NEK9: variants seen among roughly 807,000 people sequenced by gnomAD.
NEK9 encodes serine/threonine-protein kinase Nek9.
NEK9 carries 75 observed loss-of-function variants against 123.4 expected under a neutral mutation model. The ratio of observed to expected loss-of-function variants is 0.61; its 90% CI spans 0.50 to 0.74. The LOEUF is 0.74. NEK9 is among the 30% of genes least tolerant of loss of function. The pLI, the probability that NEK9 is intolerant of heterozygous loss-of-function variation, is 0.00. For synonymous variants in NEK9, 438 were observed against 458.7 expected, an observed-to-expected ratio of 0.95 and a Z score of 0.58; for missense variants, 952 against 1,214.4, an observed-to-expected ratio of 0.78 and a Z score of 3.21.
At chr14:75,112,728 G>GT (rs1180066119) in intron 8 of NEK9, among the ~76,000 whole-genome samples, 1 of 152,156 alleles carries the variant, frequency 6.6e-6, no homozygotes, top group African/African-American at 2.4e-5. Flanking sequence ...AGGCTGAGGT[G>GT]TGAGAATCAC....
chr14:75,118,806 A>T (rs753965952), intron 5 of NEK9, 24 bp downstream of exon 5: 2 of 1,311,822 alleles, frequency 1.5e-6, no homozygotes, highest in Non-Finnish European at 2.2e-6. Flanking sequence ...ATAAAATAAA[A>T]ATTAAGACAA....
intron 1 of NEK9, among the ~76,000 whole-genome samples, chr14:75,125,210 CT>C (rs1895482699): frequency 6.6e-6 from 1 of 152,134 alleles, no homozygotes; most frequent in African/African-American, 2.4e-5. Context: ...GTAACCATGT[CT>C]TTAATTTTTA....
At chr14:75,101,847 G>A in intron 14 of NEK9, 82 bp from the exon 15 acceptor site, 1 of 1,010,882 alleles carries the variant, frequency 9.9e-7, no homozygotes, top group South Asian at 1.4e-5. Flanking sequence ...AAAAAGTCCT[G>A]GTGACCAAAA....
At chr14:75,112,952 T>C (rs1198434926) in intron 8 of NEK9, among the ~76,000 whole-genome samples, 1 of 152,204 alleles carries the variant, frequency 6.6e-6, no homozygotes, top group Non-Finnish European at 1.5e-5. Flanking sequence ...CTCATCTTAC[T>C]TTATAGAGGA....
chr14:75,124,083 G>A lies in NEK9; in HGVS notation c.360C>T (p.Asp120=), dbSNP rs375063665. The change falls in exon 2 of 22, where the codon GAC becomes GAT. Residue 120 remains aspartate, a synonymous_variant. Transcript: ENST00000238616. ...CCAGCTCAATCAGCAGCGTGGTATT[G>A]TCCATGAAGTGATTGTAGTAGGCAA... ...NIIAYYNHFM[D]NTTLLIELEY... is the part of the protein sequence containing the mutation. The A allele has an allele frequency of 7.4e-6, 12 of 1,614,056 alleles. No individual in the cohort carries two copies. The highest frequency in any genetic ancestry group is 6.7e-5 in the East Asian group (3 of 44,886).
chr14:75,081,583 T>C lies in NEK9; in HGVS notation c.*2981A>G, dbSNP rs957118039. 1 of 152,232 alleles carries C rather than the reference T, an allele frequency of 6.6e-6. No homozygotes were observed. The highest frequency in any genetic ancestry group is 1.5e-5 in the Non-Finnish European group (1 of 68,040). The allele number at this position is 152,232 out of a possible 1,614,324, so 9.4% of individuals were successfully genotyped here. A position where few individuals can be genotyped will look rare whatever the true frequency, so the allele number is the denominator to read the frequency against. ...TGTGAATGAATTTATTTAAAATGTA[T>C]TCTTGCCCCTGAATTGTTCTATTAT... On this transcript the variant is annotated 3_prime_UTR_variant, in exon 22 of 22. Transcript: ENST00000238616. This position sits in a 1 kb window ranked among gnomAD's most constrained non-coding sequence, Gnocchi z 4.2.
At chr14:75,100,766 C>T (rs575104276) in intron 16 of NEK9, among the ~76,000 whole-genome samples, 1 of 152,326 alleles carries the variant, frequency 6.6e-6, no homozygotes, top group South Asian at 2.1e-4. Flanking sequence ...GAATGTAGAA[C>T]ATTAACCTAT....
chr14:75,086,378 G>GT (rs1894024924), intron 21 of NEK9: 1 of 150,322 alleles, frequency 6.7e-6, no homozygotes, highest in Non-Finnish European at 1.5e-5. Flanking sequence ...GAAAATTGAG[G>GT]TATCAGCTGG....
In NEK9 at chr14:75,106,692, C is replaced by T; in HGVS notation, c.1338G>A (p.Gln446=). The T allele has an allele frequency of 6.2e-7, 1 of 1,610,518 alleles. No individual in the cohort carries two copies. The highest frequency in any genetic ancestry group is 8.5e-7 in the Non-Finnish European group (1 of 1,177,822). The change falls in exon 12 of 22, where the codon CAG becomes CAA. Residue 446 remains glutamine, a synonymous_variant. Coordinates refer to ENST00000238616, the MANE Select transcript of NEK9 (RefSeq NM_033116.6). ...AATAATCTGATCCGAAGGCATAGAG[C>T]TGACCCTCATCTGCAAAAGAAAGGA... is the stretch of plus-strand genomic sequence containing the variant. ...DFTVCVTDEG[Q]LYAFGSDYYG...
In NEK9 at chr14:75,091,305, C is replaced by T; in HGVS notation, c.2407G>A (p.Gly803Arg). 6.2e-7 allele frequency: 1 copy of T among 1,613,518 alleles called. No homozygotes were observed. The highest frequency in any genetic ancestry group is 8.5e-7 in the Non-Finnish European group (1 of 1,179,798). The change falls in exon 19 of 22, where the codon GGG (glycine) becomes AGG (arginine). Residue 803 changes from glycine (G) to arginine (R), a missense_variant. By Grantham distance (125) the Gly-to-Arg change is moderately radical. This residue lies in a region of NEK9 where 698 missense variants were observed against 875.6 expected (regional missense o/e 0.80). Transcript: ENST00000238616. ...SPTEAMGNSN[G>R]ASSSCPGWLR... ...CAGCCAGGACAGGAGCTGCTGGCCC[C>T]ATTACTGTTCCCCATGGCCTCTGTG...
At chr14:75,095,704 A>T (rs1894359855) in intron 17 of NEK9, among the ~76,000 whole-genome samples, 1 of 152,212 alleles carries the variant, frequency 6.6e-6, no homozygotes, top group Non-Finnish European at 1.5e-5. Context: ...AGCCTAGGCA[A>T]CATGGCAAAA....
At chr14:75,120,660 A>C in intron 3 of NEK9, 80 bp from the exon 4 acceptor site, 4 of 1,025,254 alleles carry the variant, frequency 3.9e-6, no homozygotes, top group Non-Finnish European at 5.9e-6. Flanking sequence ...AACAAACAAA[A>C]CAAAGAAAAC....
At position 75,084,509 on chromosome 14, in the gene NEK9, G is replaced by A. The variant is rs1203633082; in HGVS notation, c.*55C>T. 4.4e-6 allele frequency: 7 copies of A among 1,605,050 alleles called. No individual in the cohort carries two copies. The highest frequency in any genetic ancestry group is 3.4e-5 in the Admixed American group (2 of 59,172). On this transcript the variant is annotated 3_prime_UTR_variant, in exon 22 of 22. Transcript: ENST00000238616. ...AAGCTGCTCTCTGCATTCGGTAAGT[G>A]TGCTGTGAAGTTCTTTGGGTCCCAG...
chr14:75,088,446 C>A lies in NEK9; in HGVS notation c.2604+34G>T, dbSNP rs751341488. ...GGCAGAGCTTGCAGTGACTGTTTAC[C>A]TAGTTGTGATTCAAAGGCAAAAAGC... On this transcript the variant is annotated intron_variant, in intron 20 of 21. Transcript: ENST00000238616. 35 of 1,606,868 alleles carry A rather than the reference C, an allele frequency of 2.2e-5. No individual in the cohort carries two copies. In the African/African-American group the frequency reaches 4.4e-4, roughly 20 times the overall value.
At chr14:75,105,442 G>A (rs761013163) in intron 13 of NEK9, among the ~76,000 whole-genome samples, 16 of 152,188 alleles carry the variant, frequency 1.1e-4, no homozygotes, top group Non-Finnish European at 1.9e-4. Context: ...TTTTCCCCCA[G>A]CTGGTATCAG....
At chr14:75,105,324 A>T (rs1176725755) in intron 13 of NEK9, among the ~76,000 whole-genome samples, 3 of 152,138 alleles carry the variant, frequency 2.0e-5, no homozygotes, top group African/African-American at 7.2e-5. Flanking sequence ...AAAAAAAAGA[A>T]AACAGAAAAC....
chr14:75,094,063 TGTA>T, intron 18 of NEK9, among the ~76,000 whole-genome samples: 1 of 152,340 alleles, frequency 6.6e-6, no homozygotes, highest in East Asian at 1.9e-4. Context: ...AAAACAAACT[TGTA>T]GTAGAACTGC....
rs769369202 is a variant in NEK9 at position 75,088,524 on chromosome 14, C to G, written c.2560G>C (p.Ala854Pro). 5.0e-6 allele frequency: 8 copies of G among 1,614,030 alleles called. No individual in the cohort carries two copies. The highest frequency in any genetic ancestry group is 6.8e-6 in the Non-Finnish European group (8 of 1,179,990). Residue 854 changes from alanine to proline, a missense_variant, in exon 20 of 22, where the codon GCC becomes CCC. Around this residue, in one of 4 missense-constraint regions of NEK9, gnomAD observed 698 missense variants for 875.6 expected, o/e 0.80. Coordinates refer to ENST00000238616, the MANE Select transcript of NEK9 (RefSeq NM_033116.6). ...PYEELQGLKV[A>P]SEAPLEHKPQ... is the part of the protein sequence containing the mutation. ...TTGTGTTCCAAAGGAGCTTCAGAGG[C>G]CACTTTGAGTCCTTGCAGCTCTTCA...
intron 8 of NEK9, among the ~76,000 whole-genome samples, chr14:75,110,771 C>T (rs921472962): frequency 6.6e-6 from 1 of 152,120 alleles, no homozygotes; most frequent in East Asian, 1.9e-4. Context: ...TTTCTGACTC[C>T]TCTATTTCTG....
Sources: allele counts gnomAD v4.1 joint callset (sites outside exome capture counted in the v4.1 genomes callset), GRCh38; gene constraint gnomAD v4.1.1; regional missense constraint gnomAD v4.1.1; non-coding constraint Gnocchi (gnomAD v3.1); transcripts MANE v1.5; gene names NCBI Gene and HGNC (gene_info 2026-07-23, HGNC 2026-07-21).